NCKAP5: variants seen among roughly 807,000 people sequenced by gnomAD.
NCKAP5 encodes the protein nck-associated protein 5.
A neutral mutation model predicts 167.0 loss-of-function variants in NCKAP5; 92 were observed. That is an observed-to-expected ratio of 0.55 (90% CI 0.47 to 0.66). NCKAP5 has a LOEUF of 0.66. NCKAP5 is among the 30% of genes least tolerant of loss of function. The probability of loss-of-function intolerance (pLI) is 0.00; values close to 1 mark genes in which losing one functional copy is unlikely to be tolerated. For synonymous variants in NCKAP5, 891 were observed against 877.4 expected, an observed-to-expected ratio of 1.02 and a Z score of -0.27; for missense variants, 2,378 against 2,315.0, an observed-to-expected ratio of 1.03 and a Z score of -0.56.
At chr2:132,833,617 G>A (rs1687675238) in intron 11 of NCKAP5, among the ~76,000 whole-genome samples, 1 of 152,144 alleles carries the variant, frequency 6.6e-6, no homozygotes, top group Non-Finnish European at 1.5e-5. Context: ...ATTCAAAAGA[G>A]TGTTCTTTAT....
upstream of NCKAP5, among the ~76,000 whole-genome samples, chr2:133,571,469 C>A (rs1688865491): frequency 6.6e-6 from 1 of 152,176 alleles, no homozygotes; most frequent in South Asian, 2.1e-4. Flanking sequence ...TCCCCGCCTC[C>A]TGCCCGCCTG....
chr2:132,797,453 C>T (rs1558793256), intron 11 of NCKAP5, among the ~76,000 whole-genome samples: 2 of 152,036 alleles, frequency 1.3e-5, no homozygotes, highest in Non-Finnish European at 2.9e-5. Flanking sequence ...TGTTTAATTG[C>T]AAATACAATA....
chr2:133,484,294 T>C (rs1445796636), intron 3 of NCKAP5, among the ~76,000 whole-genome samples: 1 of 152,170 alleles, frequency 6.6e-6, no homozygotes, highest in African/African-American at 2.4e-5. Context: ...GGTCCAGTCC[T>C]TGTCTTCATG....
chr2:133,112,290 C>A (rs528679594), intron 6 of NCKAP5, among the ~76,000 whole-genome samples: 1 of 151,952 alleles, frequency 6.6e-6, no homozygotes, highest in African/African-American at 2.4e-5. Flanking sequence ...CTGGCTAACA[C>A]GGTGAAACCC....
At chr2:132,884,884 G>A (rs774235016) in intron 8 of NCKAP5, among the ~76,000 whole-genome samples, 2 of 152,152 alleles carry the variant, frequency 1.3e-5, no homozygotes, top group Non-Finnish European at 2.9e-5. Flanking sequence ...CACTGCAATC[G>A]ATCCATTCAG....
chr2:132,949,046 A>AAAGAAAAGAG (rs1406459908), intron 8 of NCKAP5, among the ~76,000 whole-genome samples: 6 of 137,954 alleles, frequency 4.3e-5, no homozygotes, highest in African/African-American at 1.9e-4. Flanking sequence ...AAAGAAAAGA[A>AAAGAAAAGAG]AAGAAACATG....
At chr2:133,314,870 A>T (rs747508101) in intron 3 of NCKAP5, among the ~76,000 whole-genome samples, 3 of 152,194 alleles carry the variant, frequency 2.0e-5, no homozygotes, top group Non-Finnish European at 2.9e-5. Context: ...CACCTAAAGG[A>T]AGTGACGGAA....
chr2:133,642,636 C>T, the NCKAP5 span, among the ~76,000 whole-genome samples: 67 of 152,218 alleles, frequency 4.4e-4, no homozygotes, highest in Admixed American at 3.2e-3. Context: ...GCAGGCTGAA[C>T]GGTAAACATT....
intron 6 of NCKAP5, among the ~76,000 whole-genome samples, chr2:132,996,295 C>A (rs1015636932): frequency 1.3e-5 from 2 of 152,210 alleles, no homozygotes; most frequent in African/African-American, 4.8e-5. Context: ...CCTCTTTATA[C>A]ACATGTGTAT....
At chr2:133,623,896 C>T in the NCKAP5 span, among the ~76,000 whole-genome samples, 1 of 151,980 alleles carries the variant, frequency 6.6e-6, no homozygotes, top group South Asian at 2.1e-4. Flanking sequence ...CCAGCCCAAA[C>T]GTTCATCAAT....
chr2:133,492,485 G>T (rs1038655768), intron 3 of NCKAP5, among the ~76,000 whole-genome samples: 3 of 152,090 alleles, frequency 2.0e-5, no homozygotes, highest in Non-Finnish European at 4.4e-5. Flanking sequence ...CTTCCTGTGC[G>T]TGGTCTCTGA....
rs79473047 is a variant in NCKAP5, at chr2:133,153,367, G to A, written c.208-23256C>T. Among the ~76,000 whole-genome samples the A allele has an allele frequency of 4.6e-3, 704 of 152,212 alleles. 1 individual carries two copies. The highest frequency in any genetic ancestry group is 0.016 in the African/African-American group (658 of 41,512). Reference sequence around the variant, plus strand: ...ATGCAAGATGTTAATCATGGTCATGGGAAACTGTGTTGGGGGTGAGAGTGG... The same window carrying A: ...ATGCAAGATGTTAATCATGGTCATGAGAAACTGTGTTGGGGGTGAGAGTGG... On this transcript the variant is annotated intron_variant, in intron 5 of 19. Coordinates refer to ENST00000409261, the MANE Select transcript of NCKAP5 (RefSeq NM_207363.3).
chr2:133,145,544 A>G (rs2083160842), intron 5 of NCKAP5, among the ~76,000 whole-genome samples: 1 of 152,096 alleles, frequency 6.6e-6, no homozygotes, highest in Non-Finnish European at 1.5e-5. Context: ...TGCACAATCA[A>G]TCATTAAGTC....
intron 5 of NCKAP5, among the ~76,000 whole-genome samples, chr2:133,141,090 T>G (rs2082978700): frequency 6.6e-6 from 1 of 152,084 alleles, no homozygotes; most frequent in Admixed American, 6.6e-5. Flanking sequence ...CGGTAACAAC[T>G]TTTAGTCTTA....
chr2:133,577,254 A>G, the NCKAP5 span, among the ~76,000 whole-genome samples: 1 of 152,192 alleles, frequency 6.6e-6, no homozygotes, highest in African/African-American at 2.4e-5. Context: ...GAAGAAAAGA[A>G]GGAAAGGACA....
At chr2:133,216,410 T>C (rs2086431558) in intron 4 of NCKAP5, among the ~76,000 whole-genome samples, 1 of 152,084 alleles carries the variant, frequency 6.6e-6, no homozygotes, top group South Asian at 2.1e-4. Flanking sequence ...TGAACCAAAA[T>C]AAATTACCTA....
At chr2:132,710,610 G>A (rs938870184) in intron 19 of NCKAP5, among the ~76,000 whole-genome samples, 18 of 152,220 alleles carry the variant, frequency 1.2e-4, no homozygotes, top group African/African-American at 3.9e-4. Context: ...AAAAGGGAAA[G>A]TATAATTTGA....
At position 132,784,893 on chromosome 2, in the gene NCKAP5, T is replaced by C. The variant is rs372627587; in HGVS notation, c.1918A>G (p.Ile640Val). 135 of 1,567,816 alleles carry C rather than the reference T, an allele frequency of 8.6e-5. No homozygotes were observed. Among genetic ancestry groups the C allele is most frequent in the Non-Finnish European group, 1.1e-4 (129 of 1,158,296 alleles). ...GTCTTTGGCCTAGTCTCTGAAGGGA[T>C]GGGCACTTGTTTTTCCTCCTCTTCA... is the stretch of plus-strand genomic sequence containing the variant. The part of the protein sequence containing the change: ...SPEEEEKQVP[I>V]PSETRPKTFS... The change falls in exon 14 of 20, where the codon ATC becomes GTC. Residue 640 changes from isoleucine (I) to valine (V), a missense_variant. Around this residue, in one of 3 missense-constraint regions of NCKAP5, gnomAD observed 1,049 missense variants for 1,023.4 expected, o/e 1.02. Transcript: ENST00000409261.
At chr2:133,444,593 T>A (rs1186380287) in intron 3 of NCKAP5, among the ~76,000 whole-genome samples, 1 of 152,184 alleles carries the variant, frequency 6.6e-6, no homozygotes, top group Non-Finnish European at 1.5e-5. Flanking sequence ...TCAAGTGAGA[T>A]AACAAATGTG....
Sources: allele counts gnomAD v4.1 joint callset (sites outside exome capture counted in the v4.1 genomes callset), GRCh38; gene constraint gnomAD v4.1.1; regional missense constraint gnomAD v4.1.1; transcripts MANE v1.5; gene names NCBI Gene and HGNC (gene_info 2026-07-23, HGNC 2026-07-21).